KCNT2: variants seen among roughly 807,000 people sequenced by gnomAD.
KCNT2 encodes the protein potassium sodium-activated channel subfamily T member 2.
In KCNT2, 67 loss-of-function variants were observed where a neutral mutation model predicts 153.8. The ratio of observed to expected loss-of-function variants is 0.44; its 90% CI spans 0.36 to 0.53. The LOEUF is 0.53. Ranked by LOEUF, KCNT2 falls within the 20% of genes least tolerant of loss-of-function variation. The probability of loss-of-function intolerance (pLI) is 0.00; values close to 1 mark genes in which losing one functional copy is unlikely to be tolerated. For missense variants in KCNT2, 975 were observed against 1,354.8 expected, an observed-to-expected ratio of 0.72 and a Z score of 4.40; for synonymous variants, 500 against 458.8, an observed-to-expected ratio of 1.09 and a Z score of -1.15.
intron 12 of KCNT2, among the ~76,000 whole-genome samples, chr1:196,401,869 A>T (rs1671444031): frequency 6.6e-6 from 1 of 151,602 alleles, no homozygotes; most frequent in African/African-American, 2.4e-5. Context: ...AAACAAAAAG[A>T]TAACCATGCC....
At chr1:196,477,536 T>C (rs1388472764) in intron 5 of KCNT2, among the ~76,000 whole-genome samples, 3 of 152,090 alleles carry the variant, frequency 2.0e-5, no homozygotes, top group African/African-American at 7.2e-5. Flanking sequence ...CAGTGAGCCA[T>C]AATCATGCTA....
chr1:196,353,664 C>A (rs1558185821), intron 14 of KCNT2, among the ~76,000 whole-genome samples: 1 of 151,898 alleles, frequency 6.6e-6, no homozygotes, highest in African/African-American at 2.4e-5. Context: ...ATTTTCAAGG[C>A]AAATGGGTAT....
At chr1:196,391,679 T>C (rs1457128477) in intron 13 of KCNT2, among the ~76,000 whole-genome samples, 1 of 151,382 alleles carries the variant, frequency 6.6e-6, no homozygotes, top group Non-Finnish European at 1.5e-5. Context: ...AAACATCTTT[T>C]GCAATATTTA....
intron 25 of KCNT2, among the ~76,000 whole-genome samples, chr1:196,270,222 T>C (rs1335358572): frequency 6.6e-6 from 1 of 152,008 alleles, no homozygotes; most frequent in Non-Finnish European, 1.5e-5. Flanking sequence ...ACCCATCTAC[T>C]ATTTATTTGG....
intron 26 of KCNT2, among the ~76,000 whole-genome samples, chr1:196,237,784 TG>T (rs1450534767): frequency 3.9e-5 from 6 of 152,012 alleles, no homozygotes; most frequent in Non-Finnish European, 2.9e-5. Flanking sequence ...TAGTGTTAGA[TG>T]GCTAAGTTAA....
At chr1:196,454,621 C>G (rs1185986494) in intron 8 of KCNT2, among the ~76,000 whole-genome samples, 1 of 151,770 alleles carries the variant, frequency 6.6e-6, no homozygotes, top group Non-Finnish European at 1.5e-5. Context: ...CATCTGTGCC[C>G]ATTTTGTAGA....
intron 26 of KCNT2, among the ~76,000 whole-genome samples, chr1:196,242,823 T>G (rs1655078711): frequency 6.6e-6 from 1 of 152,162 alleles, no homozygotes; most frequent in South Asian, 2.1e-4. Context: ...ACTTATAGGT[T>G]TACTATAAGT....
intron 19 of KCNT2, among the ~76,000 whole-genome samples, chr1:196,325,658 A>T (rs1663774984): frequency 6.6e-6 from 1 of 152,066 alleles, no homozygotes. Flanking sequence ...GTTCCCCTTC[A>T]TTTACCCTAA....
At chr1:196,260,825 G>A (rs191468221) in intron 25 of KCNT2, among the ~76,000 whole-genome samples, 212 of 151,838 alleles carry the variant, frequency 1.4e-3, no homozygotes, top group African/African-American at 4.4e-3. Flanking sequence ...CTATAAAAAA[G>A]TGAGGATAAT....
intron 8 of KCNT2, among the ~76,000 whole-genome samples, chr1:196,458,811 T>A (rs557684303): frequency 3.9e-5 from 6 of 152,036 alleles, no homozygotes; most frequent in African/African-American, 1.4e-4. Flanking sequence ...CAGGAATAAA[T>A]AATGCTTAAT....
intron 12 of KCNT2, among the ~76,000 whole-genome samples, chr1:196,413,024 G>A (rs2148489751): frequency 6.6e-6 from 1 of 151,686 alleles, no homozygotes; most frequent in Admixed American, 6.6e-5. Context: ...ATAATTTAAT[G>A]GATACAAAGT....
At chr1:196,523,468 T>C (rs975982842) in intron 1 of KCNT2, among the ~76,000 whole-genome samples, 3 of 152,034 alleles carry the variant, frequency 2.0e-5, no homozygotes, top group Non-Finnish European at 2.9e-5. Context: ...CAGACATGGA[T>C]TGAAGCAGGA....
intron 1 of KCNT2, among the ~76,000 whole-genome samples, chr1:196,551,757 G>GA (rs1055722699): frequency 2.0e-4 from 31 of 151,310 alleles, no homozygotes; most frequent in Admixed American, 1.7e-3. Flanking sequence ...ATCATGACCT[G>GA]AAAAAAATGT....
intron 26 of KCNT2, among the ~76,000 whole-genome samples, chr1:196,238,455 G>A (rs547491860): frequency 1.3e-4 from 20 of 152,040 alleles, no homozygotes; most frequent in African/African-American, 3.9e-4. Flanking sequence ...TTATCAAGAC[G>A]TAGAAAGCAT....
chr1:196,600,725 C>T (rs1664633458), intron 1 of KCNT2, among the ~76,000 whole-genome samples: 1 of 152,136 alleles, frequency 6.6e-6, no homozygotes, highest in Admixed American at 6.5e-5. Context: ...TATCTATGCT[C>T]AATATTGACA....
intron 1 of KCNT2, among the ~76,000 whole-genome samples, chr1:196,559,042 T>C (rs951297572): frequency 1.3e-5 from 2 of 151,272 alleles, no homozygotes; most frequent in African/African-American, 2.4e-5. Context: ...ATGTAAACAG[T>C]AGCTGTTTTA....
chr1:196,434,305 T>C (rs991722281), intron 8 of KCNT2, among the ~76,000 whole-genome samples: 4 of 152,082 alleles, frequency 2.6e-5, no homozygotes, highest in Non-Finnish European at 4.4e-5. Flanking sequence ...AGATAACATA[T>C]ATTTTTAATG....
intron 13 of KCNT2, among the ~76,000 whole-genome samples, chr1:196,394,983 T>C (rs573528140): frequency 2.7e-4 from 41 of 149,360 alleles, no homozygotes; most frequent in Non-Finnish European, 1.4e-4. Context: ...AGCTTTCCAA[T>C]AGATTTTTTT....
At chr1:196,374,103 A>C (rs1296766862) in intron 13 of KCNT2, among the ~76,000 whole-genome samples, 1 of 151,886 alleles carries the variant, frequency 6.6e-6, no homozygotes, top group East Asian at 1.9e-4. Context: ...TTTTGGAAAA[A>C]ACAAAAACCT....
Sources: allele counts gnomAD v4.1 joint callset (sites outside exome capture counted in the v4.1 genomes callset), GRCh38; gene constraint gnomAD v4.1.1; transcripts MANE v1.5; gene names NCBI Gene and HGNC (gene_info 2026-07-23, HGNC 2026-07-21).